Variants in L3MBTL4 observed in about 807,000 individuals in gnomAD.
L3MBTL4 encodes L3MBTL histone methyl-lysine binding protein 4.
L3MBTL4 carries 70 observed loss-of-function variants against 84.5 expected under a neutral mutation model. The ratio of observed to expected loss-of-function variants is 0.83; its 90% CI spans 0.68 to 1.01. The LOEUF is 1.01. Among genes scored for constraint, L3MBTL4 ranks in the 50% least tolerant of loss-of-function variants. L3MBTL4 has a pLI of 0.00. For missense variants in L3MBTL4, 715 were observed against 754.8 expected (o/e 0.95, Z 0.62); for synonymous variants, 274 against 259.8 (o/e 1.05, Z -0.52).
chr18:5,991,455 C>T (rs879789711), intron 16 of L3MBTL4, among the ~76,000 whole-genome samples: 13 of 152,156 alleles, frequency 8.5e-5, no homozygotes, highest in Non-Finnish European at 1.9e-4. Context: ...TGTTGATTGA[C>T]TCTAAATGAC....
intron 16 of L3MBTL4, among the ~76,000 whole-genome samples, chr18:5,995,879 G>A (rs537193519): frequency 5.1e-4 from 77 of 152,296 alleles, no homozygotes; most frequent in Non-Finnish European, 9.1e-4. Flanking sequence ...CCGCTACTTA[G>A]CAACGCTGTC....
At position 5,969,433 on chromosome 18, in the gene L3MBTL4, T is replaced by C. The variant is rs779463960; in HGVS notation, c.1574A>G (p.Asp525Gly). The change falls in exon 17 of 19, where the codon GAC becomes GGC. Residue 525 changes from aspartate to glycine, a missense_variant. By Grantham distance (94) the Asp-to-Gly change is moderately conservative. Coordinates refer to ENST00000317931, the MANE Select transcript of L3MBTL4 (RefSeq NM_001330559.2). ...QHCKLLPGVADIRASQVARWT... is the reference protein window; with the variant it reads ...QHCKLLPGVAGIRASQVARWT... ...ACGTGCCACTTGGCTGGCCCGGATG[T>C]CAGCCACGCCTGGAAGCAACTTGCA... 1.2e-6 allele frequency: 2 copies of C among 1,613,722 alleles called. No individual in the cohort carries two copies. Among genetic ancestry groups the C allele is most frequent in the Non-Finnish European group, 1.7e-6 (2 of 1,180,002 alleles).
chr18:6,371,087 G>A (rs552291806), intron 1 of L3MBTL4, among the ~76,000 whole-genome samples: 2 of 152,210 alleles, frequency 1.3e-5, no homozygotes, highest in South Asian at 4.1e-4. Context: ...TAAATATTAA[G>A]GCTTTGAGGG....
At chr18:6,324,488 CT>C in intron 1 of L3MBTL4, among the ~76,000 whole-genome samples, 1 of 152,244 alleles carries the variant, frequency 6.6e-6, no homozygotes, top group East Asian at 1.9e-4. Flanking sequence ...CTCCTGAGTC[CT>C]TGTTGGACCA....
chr18:6,203,805 C>A (rs1353024231), intron 12 of L3MBTL4, among the ~76,000 whole-genome samples: 2 of 152,126 alleles, frequency 1.3e-5, no homozygotes, highest in African/African-American at 4.8e-5. Context: ...CTAACCAGCT[C>A]CCAGGTGATG....
At chr18:6,161,205 A>G (rs2043323550) in intron 13 of L3MBTL4, among the ~76,000 whole-genome samples, 1 of 152,220 alleles carries the variant, frequency 6.6e-6, no homozygotes, top group South Asian at 2.1e-4. Flanking sequence ...AAAGCAGACA[A>G]ATCGCGTCCT....
chr18:6,062,333 G>A (rs1385736721), intron 16 of L3MBTL4, among the ~76,000 whole-genome samples: 2 of 152,006 alleles, frequency 1.3e-5, no homozygotes, highest in African/African-American at 4.8e-5. Flanking sequence ...CTGAAGAGAA[G>A]TCCAGTGTAA....
chr18:6,170,409 C>T (rs985745736), intron 13 of L3MBTL4, among the ~76,000 whole-genome samples: 1 of 152,122 alleles, frequency 6.6e-6, no homozygotes. Context: ...AAAGAACCAG[C>T]AGGACACTTG....
At chr18:6,271,714 G>C (rs550457651) in intron 4 of L3MBTL4, among the ~76,000 whole-genome samples, 46 of 152,326 alleles carry the variant, frequency 3.0e-4, no homozygotes, top group African/African-American at 1.1e-3. Context: ...CAGGGGAGGC[G>C]CTTCCTCGCA....
chr18:6,345,841 A>T (rs2052871799), intron 1 of L3MBTL4, among the ~76,000 whole-genome samples: 1 of 152,042 alleles, frequency 6.6e-6, no homozygotes, highest in East Asian at 1.9e-4. Context: ...TTAATATGGA[A>T]CCACAAAAGA....
chr18:6,250,043 G>A (rs2047856204), intron 5 of L3MBTL4, among the ~76,000 whole-genome samples: 1 of 152,202 alleles, frequency 6.6e-6, no homozygotes, highest in Admixed American at 6.5e-5. Context: ...GGCCATGGAA[G>A]GCCCCAAGGA....
intron 12 of L3MBTL4, among the ~76,000 whole-genome samples, chr18:6,173,617 A>C (rs1426483022): frequency 6.6e-6 from 1 of 151,976 alleles, no homozygotes; most frequent in Admixed American, 6.6e-5. Context: ...TCATCTCTAC[A>C]AAAAATACAA....
At chr18:6,029,850 G>T (rs576916393) in intron 16 of L3MBTL4, 1 of 985,134 alleles carries the variant, frequency 1.0e-6, no homozygotes, top group East Asian at 1.1e-4. Context: ...AAAAGGATTA[G>T]AATAGGATAG....
intron 1 of L3MBTL4, among the ~76,000 whole-genome samples, chr18:6,332,464 C>A (rs1036510663): frequency 1.5e-3 from 227 of 152,152 alleles, no homozygotes; most frequent in Non-Finnish European, 2.1e-3. Flanking sequence ...GCAGGTAACT[C>A]AGAAAGGGCC....
intron 12 of L3MBTL4, among the ~76,000 whole-genome samples, chr18:6,211,996 G>T (rs1480416873): frequency 6.6e-6 from 1 of 152,082 alleles, no homozygotes. Flanking sequence ...AATTAACAAA[G>T]CAATTATGAT....
intron 14 of L3MBTL4, among the ~76,000 whole-genome samples, chr18:6,120,768 C>T (rs944308788): frequency 6.6e-6 from 1 of 152,132 alleles, no homozygotes; most frequent in African/African-American, 2.4e-5. Flanking sequence ...GAGCTTTACA[C>T]CTGTGAGCTT....
intron 16 of L3MBTL4, among the ~76,000 whole-genome samples, chr18:6,021,161 G>A (rs541487805): frequency 1.3e-5 from 2 of 152,290 alleles, no homozygotes; most frequent in South Asian, 2.1e-4. Flanking sequence ...CACAGTCCTC[G>A]AGTTTTGCAA....
chr18:6,184,094 T>G (rs1040100018), intron 12 of L3MBTL4, among the ~76,000 whole-genome samples: 3 of 152,202 alleles, frequency 2.0e-5, no homozygotes, highest in African/African-American at 7.2e-5. Context: ...CACAGAGATG[T>G]ACTTACAAAA....
intron 10 of L3MBTL4, among the ~76,000 whole-genome samples, chr18:6,234,824 C>A (rs1212169632): frequency 6.6e-6 from 1 of 152,082 alleles, no homozygotes; most frequent in East Asian, 1.9e-4. Context: ...TGGGTATATA[C>A]CCAAAGGATT....
Sources: gnomAD v4.1 joint callset for allele counts (sites outside exome capture counted in the v4.1 genomes callset) on GRCh38, gnomAD v4.1.1 for gene constraint, MANE v1.5 for transcripts, NCBI Gene and HGNC (gene_info 2026-07-23, HGNC 2026-07-21) for gene names.